Variants in WDR81 observed in about 807,000 individuals in gnomAD.
The protein encoded by WDR81 is WD repeat domain 81, also known as WD repeat-containing protein 81.
In WDR81, 92 loss-of-function variants were observed where a neutral mutation model predicts 140.8. That is an observed-to-expected ratio of 0.65 (90% CI 0.55 to 0.78). WDR81 has a LOEUF of 0.78. Ranked by LOEUF, WDR81 falls within the 30% of genes least tolerant of loss-of-function variation. WDR81 has a pLI of 0.00. For missense variants in WDR81, 2,502 were observed against 2,636.4 expected, an observed-to-expected ratio of 0.95 and a Z score of 1.12; for synonymous variants, 1,183 against 1,156.4, an observed-to-expected ratio of 1.02 and a Z score of -0.47.
chr17:1,731,756 C>T (rs1053541365), intron 4 of WDR81, among the ~76,000 whole-genome samples: 3 of 150,640 alleles, frequency 2.0e-5, no homozygotes, highest in Admixed American at 6.6e-5. Context: ...ACAAAATCTT[C>T]GCTGGGCATG....
intron 1 of WDR81, among the ~76,000 whole-genome samples, chr17:1,717,425 G>A (rs1186891435): frequency 6.6e-6 from 1 of 152,184 alleles, no homozygotes; most frequent in Non-Finnish European, 1.5e-5. Flanking sequence ...AGGGGCTGAG[G>A]GTAACTAAGC....
At chr17:1,723,295 T>C (rs1914974899), upstream of WDR81, among the ~76,000 whole-genome samples, 1 of 152,056 alleles carries the variant, frequency 6.6e-6, no homozygotes, top group Non-Finnish European at 1.5e-5. Flanking sequence ...GAGGCCAATC[T>C]TCAACAGGAA....
intron 7 of WDR81, 140 bp downstream of exon 7, chr17:1,734,356 C>T (rs1904668953): frequency 3.9e-6 from 4 of 1,023,972 alleles, no homozygotes; most frequent in Middle Eastern, 3.2e-4. Context: ...ACAGTTAGGG[C>T]TTCGAATCTG....
chr17:1,721,787 A>G (rs1323509169), upstream of WDR81, among the ~76,000 whole-genome samples: 1 of 149,746 alleles, frequency 6.7e-6, no homozygotes, highest in Non-Finnish European at 1.5e-5. Flanking sequence ...ACACTACTGC[A>G]TTCTAGCCTG....
Position 1,724,908 on chromosome 17 carries a change from C to A in WDR81, c.-52C>A. ...CTGGCACCCCGGAAGCCGTCGCCAG[C>A]AGGGCCGTGGCTGGGCTCAGCCCCG... On this transcript the variant is annotated 5_prime_UTR_variant, in exon 1 of 10. Transcript: ENST00000409644. The A allele has an allele frequency of 7.7e-7, 1 of 1,305,984 alleles. No individual in the cohort carries two copies. Among genetic ancestry groups the A allele is most frequent in the Non-Finnish European group, 9.7e-7 (1 of 1,030,472 alleles). 80.9% of individuals were successfully genotyped at this position (1,305,984 alleles called of 1,614,324 possible).
chr17:1,733,746 T>G lies in WDR81; in HGVS notation c.4709T>G (p.Ile1570Ser). 6.2e-7 allele frequency: 1 copy of G among 1,612,366 alleles called. No homozygotes were observed. The highest frequency in any genetic ancestry group is 8.5e-7 in the Non-Finnish European group (1 of 1,179,782). ...GSVLVGNRIQ[I>S]PNDSRPENPG... ...GTCCTGGTGGGGAACCGCATTCAGATCCCCAATGACTCTCGGCCTGAGAAC... is the reference window on the plus strand; with the variant it reads ...GTCCTGGTGGGGAACCGCATTCAGAGCCCCAATGACTCTCGGCCTGAGAAC... Residue 1570 changes from isoleucine to serine, a missense_variant, in exon 7 of 10, where the codon ATC becomes AGC. Around this residue, in one of 3 missense-constraint regions of WDR81, gnomAD observed 1,737 missense variants for 1,843.0 expected, o/e 0.94. Transcript: ENST00000409644.
rs928905804 is a variant in WDR81 at position 1,727,684 on chromosome 17, C to G, written c.2725C>G (p.Leu909Val). 51 of 1,550,394 alleles carry G rather than the reference C, an allele frequency of 3.3e-5. No individual in the cohort carries two copies. In the Middle Eastern group the frequency reaches 1.0e-3, roughly 30 times the overall value. The change falls in exon 1 of 10, where the codon CTG becomes GTG. Residue 909 changes from leucine to valine, a missense_variant. Leu to Val is a conservative substitution (Grantham distance 32, BLOSUM62 1). Transcript: ENST00000409644. ...RELVFALWQQ[L>V]GAVLKDITPE... ...GCTGGTGTTTGCTCTGTGGCAGCAGCTGGGCGCGGTGCTGAAGGACATCAC... is the reference window on the plus strand; with the variant it reads ...GCTGGTGTTTGCTCTGTGGCAGCAGGTGGGCGCGGTGCTGAAGGACATCAC...
At position 1,738,052 on chromosome 17, in the gene WDR81, C is replaced by T. The variant is rs1905033832; in HGVS notation, c.*367C>T. The T allele has an allele frequency of 1.5e-5, 5 of 331,646 alleles. No homozygotes were observed. The highest frequency in any genetic ancestry group is 2.8e-5 in the Non-Finnish European group (5 of 178,112). The allele number at this position is 331,646 out of a possible 1,614,324, so 20.5% of individuals were successfully genotyped here. A position where few individuals can be genotyped will look rare whatever the true frequency, so the allele number is the denominator to read the frequency against. On this transcript the variant is annotated 3_prime_UTR_variant, in exon 10 of 10. Transcript: ENST00000409644. ...GGGAGACTGGCCCTGCCCAGCCGGT[C>T]TCTAGCCCCTCAGCCCCCGCTGGGC...
In WDR81 at chr17:1,735,167, C is replaced by T. The variant is rs185014019; in HGVS notation, c.5180-405C>T. On this transcript the variant is annotated intron_variant, in intron 7 of 9. Transcript: ENST00000409644. This position sits in a 1 kb window ranked among gnomAD's most constrained non-coding sequence, Gnocchi z 4.2. ...AAAAAAGGCCGGACGCGGTGGCTCA[C>T]GCCTGTAATCCCAGCACTTTGGGAG... Among the ~76,000 whole-genome samples the T allele has an allele frequency of 2.6e-4, 40 of 152,294 alleles. No individual in the cohort carries two copies. Among genetic ancestry groups the T allele is most frequent in the Admixed American group, 1.2e-3 (19 of 15,304 alleles).
chr17:1,734,651 T>A (rs1455018495), intron 7 of WDR81, among the ~76,000 whole-genome samples: 3 of 151,016 alleles, frequency 2.0e-5, no homozygotes, highest in Non-Finnish European at 4.4e-5. Flanking sequence ...TGGTGGCGGG[T>A]GCCTGTACTC....
Position 1,725,228 on chromosome 17 carries a change from T to A in WDR81, c.269T>A (p.Leu90His). 6.5e-7 allele frequency: 1 copy of A among 1,540,478 alleles called. No homozygotes were observed. Among genetic ancestry groups the A allele is most frequent in the Non-Finnish European group, 8.7e-7 (1 of 1,146,870 alleles). Residue 90 changes from leucine (L) to histidine (H), a missense_variant, in exon 1 of 10, where the codon CTC becomes CAC. By Grantham distance (99) the Leu-to-His change is moderately conservative (BLOSUM62 -3). This residue lies in a region of WDR81 where 547 missense variants were observed against 513.8 expected (regional missense o/e 1.06). Transcript: ENST00000409644. ...CTGGGAGAAGCGGAAGTCAGGACTC[T>A]CCTGCAGCGCTCTGTGCAAAGGCTG... ...EGLGEAEVRT[L>H]LQRSVQRLPA...
upstream of WDR81, chr17:1,724,476 T>C (rs767453211): frequency 8.2e-5 from 81 of 983,848 alleles, no homozygotes; most frequent in Non-Finnish European, 9.5e-5. Flanking sequence ...TGGTGCGTGC[T>C]GGAGGGAGTA....
Position 1,726,225 on chromosome 17 carries a change from G to A in WDR81, c.1266G>A (p.Gln422=). The change falls in exon 1 of 10, where the codon CAG becomes CAA. Residue 422 remains glutamine, a synonymous_variant. Coordinates refer to ENST00000409644, the MANE Select transcript of WDR81 (RefSeq NM_001163809.2). ...QLDFTYEMTR[Q]AFVAGGAGGG... ...ACTTCACGTATGAGATGACACGGCA[G>A]GCATTCGTAGCAGGCGGGGCGGGCG... 6.5e-7 allele frequency: 1 copy of A among 1,536,332 alleles called. No individual in the cohort carries two copies. Among genetic ancestry groups the A allele is most frequent in the Non-Finnish European group, 8.8e-7 (1 of 1,138,104 alleles).
chr17:1,731,940 A>AT (rs34306793), intron 4 of WDR81, among the ~76,000 whole-genome samples: 1 of 90,534 alleles, frequency 1.1e-5, no homozygotes, highest in South Asian at 5.7e-4. Context: ...AAAAAAAAAA[A>AT]GTATATATAT....
Position 1,735,843 on chromosome 17 carries a change from T to C in WDR81, c.5325+126T>C. 2 of 1,411,078 alleles carry C rather than the reference T, an allele frequency of 1.4e-6. No individual in the cohort carries two copies. Among genetic ancestry groups the C allele is most frequent in the Non-Finnish European group, 9.5e-7 (1 of 1,052,908 alleles). The allele number at this position is 1,411,078 out of a possible 1,614,324, so 87.4% of individuals were successfully genotyped here. On this transcript the variant is annotated intron_variant, in intron 8 of 9. Coordinates refer to ENST00000409644, the MANE Select transcript of WDR81 (RefSeq NM_001163809.2). The surrounding 1 kb of genome is among the most constrained non-coding windows in gnomAD (Gnocchi z 4.2). ...GCCCTAGTTAGTTTCTCTTTGGTGC[T>C]AGATCACCCACAGCCACACATCCTG...
chr17:1,731,327 A>G, intron 4 of WDR81, 69 bp downstream of exon 4: 1 of 1,524,016 alleles, frequency 6.6e-7, no homozygotes, highest in South Asian at 1.3e-5. Flanking sequence ...GGGGGTGGGA[A>G]GCTCAGGGGA....
Position 1,728,000 on chromosome 17 carries a change from G to A in WDR81, c.3041G>A (p.Gly1014Asp). The A allele has an allele frequency of 6.4e-7, 1 of 1,550,880 alleles. No homozygotes were observed. The highest frequency in any genetic ancestry group is 2.4e-5 in the East Asian group (1 of 40,948). Residue 1014 changes from glycine (G) to aspartate (D), a missense_variant, in exon 1 of 10, where the codon GGC (glycine) becomes GAC (aspartate). Physicochemically the swap from Gly to Asp is moderately conservative, Grantham distance 94. Coordinates refer to ENST00000409644, the MANE Select transcript of WDR81 (RefSeq NM_001163809.2). ...LLPHVLQVLA[G>D]AEASQEESKD... ...CCCCATGTCCTGCAGGTGCTGGCGGGCGCAGAGGCCTCCCAGGAGGAGAGC... is the reference window on the plus strand; with the variant it reads ...CCCCATGTCCTGCAGGTGCTGGCGGACGCAGAGGCCTCCCAGGAGGAGAGC...
chr17:1,736,259 G>A lies in WDR81; in HGVS notation c.5505+41G>A, dbSNP rs368701030. 2.4e-4 allele frequency: 385 copies of A among 1,571,694 alleles called. 3 individuals are homozygous for A. The South Asian group carries it at 2.6e-3, about 11-fold the overall frequency. On this transcript the variant is annotated intron_variant, in intron 9 of 9. Transcript: ENST00000409644. ...TCCCTCCCCTTGCTGCCCAACCCCC[G>A]CCCCTGTCCAGCCATCACCCCTGCT...
Position 1,733,687 on chromosome 17 carries a change from T to A in WDR81, c.4650T>A (p.Pro1550=). The A allele has an allele frequency of 1.2e-6, 2 of 1,612,084 alleles. No homozygotes were observed. The highest frequency in any genetic ancestry group is 1.7e-5 in the Admixed American group (1 of 59,952). Residue 1550 remains proline (P), a synonymous_variant, in exon 7 of 10, where the codon CCT becomes CCA. Coordinates refer to ENST00000409644, the MANE Select transcript of WDR81 (RefSeq NM_001163809.2). ...GGGACCCCCATGGTGGGGGCTGCCC[T>A]CAGGATGACGGCCACTCAGGGACCT... The part of the protein sequence containing the change: ...PEWDPHGGGC[P]QDDGHSGTFG...
Sources: gnomAD v4.1 joint callset for allele counts (sites outside exome capture counted in the v4.1 genomes callset) on GRCh38, gnomAD v4.1.1 for gene constraint, gnomAD v4.1.1 regional missense constraint, Gnocchi (gnomAD v3.1) non-coding constraint, MANE v1.5 for transcripts, NCBI Gene and HGNC (gene_info 2026-07-23, HGNC 2026-07-21) for gene names.